DMRT2: variants seen among roughly 807,000 people sequenced by gnomAD.
DMRT2 encodes doublesex and mab-3 related transcription factor 2.
In DMRT2, 33 loss-of-function variants were observed where a neutral mutation model predicts 43.5. That is an observed-to-expected ratio of 0.76 (90% CI 0.58 to 1.01). The LOEUF is 1.01. DMRT2 is among the 50% of genes least tolerant of loss of function. The pLI, the probability that DMRT2 is intolerant of heterozygous loss-of-function variation, is 0.00. For missense variants in DMRT2, 1,064 were observed against 748.0 expected (o/e 1.42, Z -4.93); for synonymous variants, 395 against 309.2 (o/e 1.28, Z -2.91).
In DMRT2 at chr9:1,056,538, G is replaced by A; in HGVS notation, c.951G>A (p.Gly317=). The A allele has an allele frequency of 6.2e-7, 1 of 1,614,190 alleles. No homozygotes were observed. The highest frequency in any genetic ancestry group is 8.5e-7 in the Non-Finnish European group (1 of 1,180,042). ...TAACCATGCAGTATTCAGGGTCTGG[G>A]AATATGGAACTAATTTCTTCTAATG... The part of the protein sequence containing the change: ...LDLTMQYSGS[G]NMELISSNVS... Residue 317 remains glycine (G), a synonymous_variant, in exon 4 of 4, where the codon GGG becomes GGA. Transcript: ENST00000358146.
At chr9:1,054,882 T>C (rs911044817) in intron 3 of DMRT2, among the ~76,000 whole-genome samples, 10 of 151,898 alleles carry the variant, frequency 6.6e-5, no homozygotes, top group African/African-American at 2.4e-4. Context: ...GTGTGTGTCC[T>C]ATAAAAATTT....
At chr9:1,055,974 C>T (rs1821955485) in intron 3 of DMRT2, 2 of 1,401,594 alleles carry the variant, frequency 1.4e-6, no homozygotes, top group South Asian at 1.8e-5. Context: ...TCCATAACAA[C>T]CACAACAAGC....
At chr9:1,053,640 G>T in intron 2 of DMRT2, 82 bp from the exon 3 acceptor site, 1 of 1,201,994 alleles carries the variant, frequency 8.3e-7, no homozygotes, top group Non-Finnish European at 1.2e-6. Context: ...GTTTCTAGAA[G>T]ATTTACGGAC....
intron 2 of DMRT2, among the ~76,000 whole-genome samples, chr9:1,053,383 G>A (rs923400499): frequency 1.3e-5 from 2 of 152,166 alleles, no homozygotes; most frequent in Non-Finnish European, 2.9e-5. Context: ...CTTGAGGTCG[G>A]GTGCCCCCCT....
chr9:1,056,415 T>G lies in DMRT2; in HGVS notation c.828T>G (p.Pro276=). The change falls in exon 4 of 4, where the codon CCT becomes CCG. Residue 276 remains proline (P), a synonymous_variant. Transcript: ENST00000358146. ...AALFLPNRMV[P]GPDYNSYKSA... The stretch of plus-strand genomic sequence containing the variant: ...TGTTTCTGCCCAACCGCATGGTGCC[T>G]GGACCTGACTACAATTCCTACAAAA... The G allele has an allele frequency of 6.2e-7, 1 of 1,614,224 alleles. No homozygotes were observed. Among genetic ancestry groups the G allele is most frequent in the Non-Finnish European group, 8.5e-7 (1 of 1,180,034 alleles).
rs779299775 is a variant in DMRT2 at position 1,056,625 on chromosome 9, G to A, written c.1038G>A (p.Lys346=). The change falls in exon 4 of 4, where the codon AAG becomes AAA. Residue 346 remains lysine (K), a synonymous_variant. Transcript: ENST00000358146. The part of the protein sequence containing the change: ...PLSSRFLVWP[K]CGPISDTLLY... ...CCTCAAGATTTTTAGTTTGGCCCAA[G>A]TGTGGCCCCATTAGCGACACCCTCC... The A allele has an allele frequency of 6.2e-7, 1 of 1,614,186 alleles. No homozygotes were observed. Among genetic ancestry groups the A allele is most frequent in the South Asian group, 1.1e-5 (1 of 91,078 alleles).
Position 1,051,511 on chromosome 9 carries a change from C to A in DMRT2, c.-44-59C>A. On this transcript the variant is annotated intron_variant, in intron 1 of 3. Transcript: ENST00000358146. This position sits in a 1 kb window ranked among gnomAD's most constrained non-coding sequence, Gnocchi z 5.9. ...CAGACCAGGAGCTTTGGGCCGGAGG[C>A]TCAGGGATGGTCCCTGACGGCGGCC... 1 of 1,411,836 alleles carries A rather than the reference C, an allele frequency of 7.1e-7. No individual in the cohort carries two copies. The highest frequency in any genetic ancestry group is 9.2e-7 in the Non-Finnish European group (1 of 1,092,502). 87.5% of individuals were successfully genotyped at this position (1,411,836 alleles called of 1,614,324 possible).
chr9:1,053,241 T>C (rs1485537988), intron 2 of DMRT2: 1 of 153,532 alleles, frequency 6.5e-6, no homozygotes, highest in Non-Finnish European at 1.4e-5. Flanking sequence ...CATCTCTTCA[T>C]TCCCCTATCA....
chr9:1,052,515 C>G (rs1195634530), intron 2 of DMRT2, among the ~76,000 whole-genome samples: 1 of 152,048 alleles, frequency 6.6e-6, no homozygotes, highest in Non-Finnish European at 1.5e-5. Context: ...CGTGCAGCTC[C>G]AGGCTCGTCA....
chr9:1,056,313 T>A lies in DMRT2; in HGVS notation c.726T>A (p.Asp242Glu). 1 of 1,614,208 alleles carries A rather than the reference T, an allele frequency of 6.2e-7. No homozygotes were observed. Among genetic ancestry groups the A allele is most frequent in the South Asian group, 1.1e-5 (1 of 91,082 alleles). Reference sequence around the variant, plus strand: ...TGAGGAAAAGAAGAGCCTTTGCTGATAAAGAGTTGGAGAACATTATGCTGG... The same window carrying A: ...TGAGGAAAAGAAGAGCCTTTGCTGAAAAAGAGTTGGAGAACATTATGCTGG... Reference protein sequence around the residue: ...DRMRKRRAFADKELENIMLER... With the variant: ...DRMRKRRAFAEKELENIMLER... Residue 242 changes from aspartate (D) to glutamate (E), a missense_variant, in exon 4 of 4, where the codon GAT (aspartate) becomes GAA (glutamate). By Grantham distance (45) the Asp-to-Glu change is conservative. Transcript: ENST00000358146.
At chr9:1,055,387 C>T (rs1014345079) in intron 3 of DMRT2, among the ~76,000 whole-genome samples, 2 of 152,116 alleles carry the variant, frequency 1.3e-5, no homozygotes, top group Non-Finnish European at 2.9e-5. Context: ...TGCTCCTATT[C>T]GTGCGATGAC....
chr9:1,051,983 G>A lies in DMRT2; in HGVS notation c.370G>A (p.Ala124Thr). The A allele has an allele frequency of 2.1e-6, 3 of 1,443,872 alleles. No individual in the cohort carries two copies. Among genetic ancestry groups the A allele is most frequent in the Non-Finnish European group, 2.7e-6 (3 of 1,104,280 alleles). 89.4% of individuals were successfully genotyped at this position (1,443,872 alleles called of 1,614,324 possible). A position where few individuals can be genotyped will look rare whatever the true frequency, so the allele number is the denominator to read the frequency against. The change falls in exon 2 of 4, where the codon GCG (alanine) becomes ACG (threonine). Residue 124 changes from alanine (A) to threonine (T), a missense_variant. Coordinates refer to ENST00000358146, the MANE Select transcript of DMRT2 (RefSeq NM_181872.6). The surrounding 1 kb of genome is among the most constrained non-coding windows in gnomAD (Gnocchi z 5.9). ...CAAGCTGAGCCGCACGCCCAAGTGC[G>A]CGCGCTGCCGCAACCACGGCGTGGT... ...PRKLSRTPKC[A>T]RCRNHGVVSC...
Position 1,052,021 on chromosome 9 carries a change from G to C in DMRT2, c.408G>C (p.Lys136Asn). 6.8e-7 allele frequency: 1 copy of C among 1,474,982 alleles called. No individual in the cohort carries two copies. The highest frequency in any genetic ancestry group is 1.3e-5 in the South Asian group (1 of 77,984). 91.4% of individuals were successfully genotyped at this position (1,474,982 alleles called of 1,614,324 possible). A position where few individuals can be genotyped will look rare whatever the true frequency, so the allele number is the denominator to read the frequency against. ...CRNHGVVSCL[K>N]GHKRFCRWRD... ...ACCACGGCGTGGTGTCCTGCCTGAAGGGCCACAAGCGCTTCTGTCGCTGGC... is the reference window on the plus strand; with the variant it reads ...ACCACGGCGTGGTGTCCTGCCTGAACGGCCACAAGCGCTTCTGTCGCTGGC... The change falls in exon 2 of 4, where the codon AAG (lysine) becomes AAC (asparagine). Residue 136 changes from lysine to asparagine, a missense_variant. Physicochemically the swap from Lys to Asn is moderately conservative, Grantham distance 94 (BLOSUM62 0). Transcript: ENST00000358146.
Position 1,056,405 on chromosome 9 carries a change from G to T in DMRT2, c.818G>T (p.Arg273Leu), listed in dbSNP as rs541457019. The T allele has an allele frequency of 1.2e-5, 20 of 1,614,032 alleles. No homozygotes were observed. Among genetic ancestry groups the T allele is most frequent in the African/African-American group, 2.7e-5 (2 of 74,924 alleles). ...GCTGCTGCTCTGTTTCTGCCCAACC[G>T]CATGGTGCCTGGACCTGACTACAAT... ...SQAAALFLPN[R>L]MVPGPDYNSY... Residue 273 changes from arginine to leucine, a missense_variant, in exon 4 of 4, where the codon CGC (arginine) becomes CTC (leucine). Coordinates refer to ENST00000358146, the MANE Select transcript of DMRT2 (RefSeq NM_181872.6).
chr9:1,053,698 T>G, intron 2 of DMRT2, 24 bp from the exon 3 acceptor site: 7 of 1,598,476 alleles, frequency 4.4e-6, no homozygotes, highest in Non-Finnish European at 6.0e-6. Flanking sequence ...AGGGCATTAT[T>G]GATGATGTTT....
chr9:1,053,659 C>A, intron 2 of DMRT2, 63 bp from the exon 3 acceptor site: 1 of 1,386,628 alleles, frequency 7.2e-7, no homozygotes, highest in Non-Finnish European at 1.0e-6. Flanking sequence ...ACATCCCGTC[C>A]TTCCCCCTTC....
Position 1,051,770 on chromosome 9 carries a change from G to T in DMRT2, c.157G>T (p.Asp53Tyr). 1.3e-6 allele frequency: 2 copies of T among 1,519,480 alleles called. No homozygotes were observed. The highest frequency in any genetic ancestry group is 1.8e-6 in the Non-Finnish European group (2 of 1,136,492). The allele number at this position is 1,519,480 out of a possible 1,614,324, so 94.1% of individuals were successfully genotyped here. A position where few individuals can be genotyped will look rare whatever the true frequency, so the allele number is the denominator to read the frequency against. Residue 53 changes from aspartate to tyrosine, a missense_variant, in exon 2 of 4, where the codon GAC (aspartate) becomes TAC (tyrosine). Coordinates refer to ENST00000358146, the MANE Select transcript of DMRT2 (RefSeq NM_181872.6). The surrounding 1 kb of genome is among the most constrained non-coding windows in gnomAD (Gnocchi z 5.9). ...DGDCEDDEDD[D>Y]GVDEDAEEEG... ...GGACTGCGAGGACGACGAAGATGACGACGGGGTGGACGAAGACGCGGAAGA... is the reference window on the plus strand; with the variant it reads ...GGACTGCGAGGACGACGAAGATGACTACGGGGTGGACGAAGACGCGGAAGA...
chr9:1,056,767 A>T lies in DMRT2; in HGVS notation c.1180A>T (p.Met394Leu). The T allele has an allele frequency of 6.2e-7, 1 of 1,614,116 alleles. No homozygotes were observed. Residue 394 changes from methionine (M) to leucine (L), a missense_variant, in exon 4 of 4, where the codon ATG (methionine) becomes TTG (leucine). Met to Leu is a conservative substitution (Grantham distance 15). Transcript: ENST00000358146. ...TGGACTCAGTGCAGAGCAGGACATG[A>T]TGCCATCGAAATTGGAAGGTTCCCT... ...QDGLSAEQDMMPSKLEGSLVL... is the reference protein window; with the variant it reads ...QDGLSAEQDMLPSKLEGSLVL...
chr9:1,050,873 A>G (rs1439343998), intron 1 of DMRT2, 98 bp downstream of exon 1: 2 of 152,296 alleles, frequency 1.3e-5, no homozygotes, highest in Non-Finnish European at 2.9e-5. Context: ...CCTTAAATAT[A>G]TAAACCAAGG....
Sources: allele counts gnomAD v4.1 joint callset (sites outside exome capture counted in the v4.1 genomes callset), GRCh38; gene constraint gnomAD v4.1.1; non-coding constraint Gnocchi (gnomAD v3.1); transcripts MANE v1.5; gene names NCBI Gene and HGNC (gene_info 2026-07-23, HGNC 2026-07-21).